The following SASH1 variants were observed in gnomAD, a reference collection of about 807,000 sequenced individuals.
The protein encoded by SASH1 is SAM and SH3 domain-containing protein 1.
In SASH1, 44 loss-of-function variants were observed where a neutral mutation model predicts 125.2. The observed-to-expected ratio is 0.35, with a 90% CI of 0.28 to 0.45. SASH1 has a LOEUF of 0.45. SASH1 is among the 20% of genes least tolerant of loss of function. The pLI is 1.00. For synonymous variants in SASH1, 639 were observed against 649.1 expected, an observed-to-expected ratio of 0.98 and a Z score of 0.24; for missense variants, 1,426 against 1,614.5, an observed-to-expected ratio of 0.88 and a Z score of 2.00.
At chr6:148,271,208 C>T (rs1289701665), upstream of SASH1, among the ~76,000 whole-genome samples, 7 of 152,300 alleles carry the variant, frequency 4.6e-5, no homozygotes, top group Middle Eastern at 0.01. Flanking sequence ...CCGCGCCCAG[C>T]TCATCCACAA....
intron 1 of SASH1, among the ~76,000 whole-genome samples, chr6:148,284,517 T>A (rs186230803): frequency 4.6e-5 from 7 of 152,326 alleles, no homozygotes; most frequent in African/African-American, 1.7e-4. Context: ...CATAATTGCA[T>A]AACCTAACCT....
chr6:148,366,960 C>A (rs371805881), intron 1 of SASH1, among the ~76,000 whole-genome samples: 1 of 135,138 alleles, frequency 7.4e-6, no homozygotes, highest in African/African-American at 2.8e-5. Context: ...GATTCTGTAA[C>A]TAGTGGGTAG....
At chr6:148,445,857 C>A (rs1583171331) in intron 4 of SASH1, among the ~76,000 whole-genome samples, 1 of 152,078 alleles carries the variant, frequency 6.6e-6, no homozygotes, top group Non-Finnish European at 1.5e-5. Flanking sequence ...GTAGAAGGCT[C>A]CCTTCAGGGG....
chr6:148,440,791 A>G (rs373916968), intron 4 of SASH1: 1 of 182,420 alleles, frequency 5.5e-6, no homozygotes, highest in Admixed American at 5.5e-5. Context: ...ATATTCCAGA[A>G]TAAACCAATG....
chr6:148,360,645 C>CCCCG (rs1554242967), intron 1 of SASH1, among the ~76,000 whole-genome samples: 1 of 78,920 alleles, frequency 1.3e-5, no homozygotes, highest in African/African-American at 5.5e-5. Context: ...CACCCCCCCG[C>CCCCG]CAGGCTTTAA....
chr6:148,345,465 G>A (rs1169894017), intron 1 of SASH1, among the ~76,000 whole-genome samples: 2 of 152,212 alleles, frequency 1.3e-5, no homozygotes, highest in Non-Finnish European at 2.9e-5. Flanking sequence ...CAGACAGGTT[G>A]TGTTTGCTCA....
the SASH1 span, among the ~76,000 whole-genome samples, chr6:148,212,361 G>A: frequency 6.6e-6 from 1 of 152,214 alleles, no homozygotes; most frequent in African/African-American, 2.4e-5. Context: ...GCCAAGGTTG[G>A]TGTCTCAACA....
At chr6:148,440,464 A>T in intron 4 of SASH1, 57 bp downstream of exon 4, 1 of 1,460,582 alleles carries the variant, frequency 6.8e-7, no homozygotes, top group Non-Finnish European at 9.6e-7. Context: ...TTTTAGGTCC[A>T]TGCTGACGGA....
chr6:148,332,831 C>CA (rs200956103), intron 1 of SASH1, among the ~76,000 whole-genome samples: 1 of 151,416 alleles, frequency 6.6e-6, no homozygotes, highest in African/African-American at 2.4e-5. Flanking sequence ...ACTAAAAATA[C>CA]AAAAAATTAG....
intron 1 of SASH1, among the ~76,000 whole-genome samples, chr6:148,295,061 C>T (rs1419047558): frequency 1.3e-5 from 2 of 151,950 alleles, no homozygotes; most frequent in South Asian, 2.1e-4. Flanking sequence ...TTTTCTTTCT[C>T]GTTCTCTCTC....
At chr6:148,396,090 A>G (rs1379269252) in intron 2 of SASH1, among the ~76,000 whole-genome samples, 1 of 152,174 alleles carries the variant, frequency 6.6e-6, no homozygotes, top group Non-Finnish European at 1.5e-5. Context: ...TGTGAATACA[A>G]GGAAAAGGGA....
chr6:148,199,409 G>A, the SASH1 span, among the ~76,000 whole-genome samples: 1 of 151,274 alleles, frequency 6.6e-6, no homozygotes, highest in East Asian at 2.0e-4. Context: ...TGGCTATAAG[G>A]CCTCACTCCC....
rs541177743 is a variant in SASH1, at chr6:148,302,038, G to A, written n.74+29661G>A. On this transcript the variant is annotated intron_variant and non_coding_transcript_variant, in intron 1 of 3. Transcript: ENST00000367469. ...ACCCTTAAGAAGCTAGTAATAGGCC[G>A]GGCGTGGCGGCTCACGCCTGTAATC... Among the ~76,000 whole-genome samples, 105 of 151,706 alleles carry A rather than the reference G, an allele frequency of 6.9e-4. 1 individual carries two copies. The highest frequency in any genetic ancestry group is 2.2e-3 in the African/African-American group (91 of 41,424).
chr6:148,311,998 T>C (rs977777666), intron 1 of SASH1, among the ~76,000 whole-genome samples: 2 of 152,200 alleles, frequency 1.3e-5, no homozygotes, highest in African/African-American at 4.8e-5. Context: ...GTCACCTGGA[T>C]GCATCTCAAA....
chr6:148,477,512 A>T (rs1778416340), intron 7 of SASH1, among the ~76,000 whole-genome samples: 1 of 151,580 alleles, frequency 6.6e-6, no homozygotes, highest in East Asian at 2.0e-4. Context: ...CTACAGTAAG[A>T]TATCATCTCA....
chr6:148,218,819 C>T, the SASH1 span, among the ~76,000 whole-genome samples: 3 of 152,210 alleles, frequency 2.0e-5, no homozygotes, highest in Non-Finnish European at 4.4e-5. Flanking sequence ...ATAGTTTAAC[C>T]TTATCTGACC....
Position 148,549,671 on chromosome 6 carries a change from C to T in SASH1, c.*1113C>T, listed in dbSNP as rs1782779125. The T allele has an allele frequency of 2.5e-6, 1 of 398,778 alleles. No homozygotes were observed. The highest frequency in any genetic ancestry group is 4.4e-5 in the Admixed American group (1 of 22,704). 24.7% of individuals were successfully genotyped at this position (398,778 alleles called of 1,614,324 possible). A position where few individuals can be genotyped will look rare whatever the true frequency, so the allele number is the denominator to read the frequency against. ...AGACTTTTCAGTATTACAACTAATA[C>T]TATTATTATCCTTCTTTTTTTATTT... On this transcript the variant is annotated 3_prime_UTR_variant, in exon 20 of 20. Transcript: ENST00000367467.
rs1222917046 is a variant in SASH1, at chr6:148,495,999, CT to C, written c.729+8285del. 7.3e-6 allele frequency among the ~76,000 whole-genome samples: 1 copy of C among 136,880 alleles called. No individual in the cohort carries two copies. Among genetic ancestry groups the C allele is most frequent in the Non-Finnish European group, 1.6e-5 (1 of 62,328 alleles). 89.8% of individuals were successfully genotyped at this position (136,880 alleles called of 152,430 possible). A position where few individuals can be genotyped will look rare whatever the true frequency, so the allele number is the denominator to read the frequency against. On this transcript the variant is annotated intron_variant, in intron 8 of 19. Transcript: ENST00000367467. The surrounding 1 kb of genome is among the most constrained non-coding windows in gnomAD (Gnocchi z 4.0). ...TACAGGCGCACGCCATCACGCCTGG[CT>C]AATTTTTTTTTTTTTTTTGTATTTT... is the stretch of plus-strand genomic sequence containing the variant.
At chr6:148,208,640 A>G in the SASH1 span, among the ~76,000 whole-genome samples, 15 of 152,336 alleles carry the variant, frequency 9.8e-5, no homozygotes, top group African/African-American at 3.6e-4. Context: ...CCCCCAGAAA[A>G]TGAACAGGGG....
Sources: gnomAD v4.1 joint callset for allele counts (sites outside exome capture counted in the v4.1 genomes callset) on GRCh38, gnomAD v4.1.1 for gene constraint, Gnocchi (gnomAD v3.1) non-coding constraint, MANE v1.5 for transcripts, NCBI Gene and HGNC (gene_info 2026-07-23, HGNC 2026-07-21) for gene names.